ANO3: variants seen among roughly 807,000 people sequenced by gnomAD.
ANO3 encodes anoctamin 3.
In ANO3, 99 loss-of-function variants were observed where a neutral mutation model predicts 144.8. The ratio of observed to expected loss-of-function variants is 0.68; its 90% CI spans 0.58 to 0.81. The LOEUF is 0.81. Ranked by LOEUF, ANO3 falls within the 30% of genes least tolerant of loss-of-function variation. The probability of loss-of-function intolerance (pLI) is 0.00; values close to 1 mark genes in which losing one functional copy is unlikely to be tolerated. For synonymous variants in ANO3, 414 were observed against 392.6 expected, an observed-to-expected ratio of 1.05 and a Z score of -0.64; for missense variants, 905 against 1,202.2, an observed-to-expected ratio of 0.75 and a Z score of 3.66.
Position 26,473,078 on chromosome 11 carries a change from G to C in ANO3, c.432+9930G>C, listed in dbSNP as rs537186035. Among the ~76,000 whole-genome samples, 7 of 151,992 alleles carry C rather than the reference G, an allele frequency of 4.6e-5. No homozygotes were observed. The East Asian group carries it at 1.4e-3, about 29-fold the overall frequency. ...ACAGACAATTTAAACCTACATATTAGAGTAATATACCATTTGTTCTTTAAC... is the reference window on the plus strand; with the variant it reads ...ACAGACAATTTAAACCTACATATTACAGTAATATACCATTTGTTCTTTAAC... On this transcript the variant is annotated intron_variant, in intron 4 of 26. Coordinates refer to ENST00000256737, the MANE Select transcript of ANO3 (RefSeq NM_031418.4).
chr11:26,655,089 T>G (rs1164121794), intron 24 of ANO3, among the ~76,000 whole-genome samples: 1 of 152,140 alleles, frequency 6.6e-6, no homozygotes, highest in Non-Finnish European at 1.5e-5. Context: ...TTCTCTTAAG[T>G]GCTGTGACAC....
chr11:26,253,393 G>T (rs1299386019), intron 1 of ANO3, among the ~76,000 whole-genome samples: 1 of 151,926 alleles, frequency 6.6e-6, no homozygotes, highest in Non-Finnish European at 1.5e-5. Flanking sequence ...CACACACTGG[G>T]GCCTTTTGGA....
chr11:26,566,419 GAGTC>G (rs1220851200), intron 14 of ANO3, among the ~76,000 whole-genome samples: 1 of 151,856 alleles, frequency 6.6e-6, no homozygotes, highest in Non-Finnish European at 1.5e-5. Flanking sequence ...TTTTTAAAGT[GAGTC>G]AGTCAGGAAT....
chr11:26,195,650 T>G lies in ANO3; in HGVS notation c.154+6320T>G, dbSNP rs1220182146. 2.0e-5 allele frequency among the ~76,000 whole-genome samples: 3 copies of G among 152,206 alleles called. No individual in the cohort carries two copies. The East Asian group carries it at 5.8e-4, about 29-fold the overall frequency. The stretch of plus-strand genomic sequence containing the variant: ...TGACAGTGAGGCCAAAAGAGTGGCT[T>G]GTCTCAGGTCACTCAGATAATTAGA... On this transcript the variant is annotated intron_variant, in intron 1 of 27. Coordinates refer to the ANO3 transcript ENST00000672621.
intron 4 of ANO3, among the ~76,000 whole-genome samples, chr11:26,488,611 G>C (rs1039250244): frequency 1.3e-5 from 2 of 152,140 alleles, no homozygotes; most frequent in Non-Finnish European, 2.9e-5. Flanking sequence ...TTTGCAGTGA[G>C]TGATACAGCT....
At chr11:26,569,241 C>T (rs1850722216) in intron 14 of ANO3, among the ~76,000 whole-genome samples, 1 of 152,094 alleles carries the variant, frequency 6.6e-6, no homozygotes, top group African/African-American at 2.4e-5. Flanking sequence ...TCAACACCCC[C>T]AAACGTGCGA....
chr11:26,564,434 A>T (rs1015323046), intron 14 of ANO3, among the ~76,000 whole-genome samples: 4 of 150,700 alleles, frequency 2.7e-5, no homozygotes, highest in Non-Finnish European at 4.4e-5. Context: ...CAAATTATTA[A>T]AAAAATTTCA....
At chr11:26,634,432 C>A in intron 19 of ANO3, 117 bp downstream of exon 19, 1 of 640,730 alleles carries the variant, frequency 1.6e-6, no homozygotes, top group Non-Finnish European at 2.7e-6. Context: ...CTAAAGTTGG[C>A]ACAAAAAAAT....
At chr11:26,229,848 A>G (rs895030235) in intron 1 of ANO3, among the ~76,000 whole-genome samples, 6 of 152,266 alleles carry the variant, frequency 3.9e-5, no homozygotes, top group African/African-American at 1.2e-4. Flanking sequence ...TATTATTTAT[A>G]TATAAAGCCA....
intron 1 of ANO3, among the ~76,000 whole-genome samples, chr11:26,247,670 C>G (rs1852826884): frequency 6.7e-6 from 1 of 149,828 alleles, no homozygotes; most frequent in Non-Finnish European, 1.5e-5. Flanking sequence ...TTATTTTGAA[C>G]AGATGAGAGT....
chr11:26,495,217 A>G (rs992829660), intron 4 of ANO3, among the ~76,000 whole-genome samples: 4 of 147,750 alleles, frequency 2.7e-5, no homozygotes, highest in African/African-American at 7.6e-5. Flanking sequence ...TGATCCTCCC[A>G]CCTCAGCCTC....
intron 14 of ANO3, among the ~76,000 whole-genome samples, chr11:26,581,479 A>G (rs1851129172): frequency 6.6e-6 from 1 of 152,034 alleles, no homozygotes; most frequent in African/African-American, 2.4e-5. Flanking sequence ...ACCTGAGGTC[A>G]GGAGTTCGAG....
At chr11:26,634,535 G>A (rs1389361013) in intron 19 of ANO3, among the ~76,000 whole-genome samples, 2 of 152,056 alleles carry the variant, frequency 1.3e-5, no homozygotes, top group African/African-American at 4.8e-5. Flanking sequence ...TGTGACCTTG[G>A]GTTATAATTC....
chr11:26,556,205 A>G (rs1272861418), intron 13 of ANO3, among the ~76,000 whole-genome samples: 1 of 152,152 alleles, frequency 6.6e-6, no homozygotes, highest in Non-Finnish European at 1.5e-5. Flanking sequence ...ATGCACTGAC[A>G]CTACATTATC....
chr11:26,230,836 A>C (rs1460635416), intron 1 of ANO3, among the ~76,000 whole-genome samples: 1 of 143,908 alleles, frequency 6.9e-6, no homozygotes, highest in South Asian at 2.2e-4. Context: ...AAAAAAAAAA[A>C]AAGTTTATCT....
chr11:26,276,694 C>A (rs913878382), intron 1 of ANO3, among the ~76,000 whole-genome samples: 2 of 152,086 alleles, frequency 1.3e-5, no homozygotes, highest in Admixed American at 1.3e-4. Flanking sequence ...CAATTCAATG[C>A]GTTTGAAATA....
At chr11:26,270,484 C>A (rs541956657) in intron 1 of ANO3, among the ~76,000 whole-genome samples, 1 of 152,152 alleles carries the variant, frequency 6.6e-6, no homozygotes, top group African/African-American at 2.4e-5. Context: ...TTTTATTCTA[C>A]GATCAAAATC....
chr11:26,495,361 A>G (rs1860892677), intron 4 of ANO3, among the ~76,000 whole-genome samples: 1 of 149,744 alleles, frequency 6.7e-6, no homozygotes, highest in South Asian at 2.1e-4. Context: ...CTCCTGCCTC[A>G]GCCCCTCAAA....
chr11:26,586,426 A>C (rs1327764837), intron 14 of ANO3, among the ~76,000 whole-genome samples: 1 of 147,180 alleles, frequency 6.8e-6, no homozygotes, highest in East Asian at 2.0e-4. Context: ...TTGAGCAATA[A>C]ATATTTTTTC....
Sources: gnomAD v4.1 joint callset for allele counts (sites outside exome capture counted in the v4.1 genomes callset) on GRCh38, gnomAD v4.1.1 for gene constraint, MANE v1.5 for transcripts, NCBI Gene and HGNC (gene_info 2026-07-23, HGNC 2026-07-21) for gene names.